Variants in HEMK2 observed in about 807,000 individuals in gnomAD.
The protein encoded by HEMK2 is HemK methyltransferase 2, ETF1 glutamine and histone H4 lysine.
chr21:28,851,285 A>G, the HEMK2 span, among the ~76,000 whole-genome samples: 1 of 152,092 alleles, frequency 6.6e-6, no homozygotes, highest in Admixed American at 6.6e-5. Context: ...CGACACCTCA[A>G]GCACCATTGG....
At chr21:28,857,527 AT>A in the HEMK2 span, among the ~76,000 whole-genome samples, 3 of 152,008 alleles carry the variant, frequency 2.0e-5, no homozygotes, top group African/African-American at 7.3e-5. Context: ...TGATAGTTTT[AT>A]TTTCCCAAAT....
At chr21:28,883,524 G>A in the HEMK2 span, among the ~76,000 whole-genome samples, 1 of 109,064 alleles carries the variant, frequency 9.2e-6, no homozygotes, top group Non-Finnish European at 2.3e-5. Context: ...AGAGCCATCA[G>A]TATATCCTAG....
chr21:28,810,910 G>C, the HEMK2 span, among the ~76,000 whole-genome samples: 1 of 152,154 alleles, frequency 6.6e-6, no homozygotes, highest in African/African-American at 2.4e-5. Flanking sequence ...CTTTTCCAGA[G>C]TTTGAATAAC....
the HEMK2 span, among the ~76,000 whole-genome samples, chr21:28,825,832 C>T: frequency 6.6e-6 from 1 of 152,202 alleles, no homozygotes; most frequent in Non-Finnish European, 1.5e-5. Context: ...CTAGAAACCC[C>T]TCAGTCCTAA....
At chr21:28,662,484 T>C in the HEMK2 span, among the ~76,000 whole-genome samples, 15 of 152,164 alleles carry the variant, frequency 9.9e-5, no homozygotes, top group East Asian at 2.9e-3. Context: ...GAAGGGTGTG[T>C]TCAAAGTTAA....
the HEMK2 span, among the ~76,000 whole-genome samples, chr21:28,605,576 AC>A: frequency 0.014 from 2,199 of 152,254 alleles, 54 homozygotes; most frequent in African/African-American, 0.05. Context: ...CCATATGGAA[AC>A]TTTTGTTCAA....
the HEMK2 span, among the ~76,000 whole-genome samples, chr21:28,724,461 A>G: frequency 6.6e-6 from 1 of 152,232 alleles, no homozygotes; most frequent in Admixed American, 6.5e-5. Flanking sequence ...GCTGTAATGA[A>G]AGCTAAGGGG....
At chr21:28,585,313 C>A in the HEMK2 span, among the ~76,000 whole-genome samples, 1 of 148,720 alleles carries the variant, frequency 6.7e-6, no homozygotes, top group South Asian at 2.2e-4. Flanking sequence ...GCCTGGGTGA[C>A]AGAGCAAGAC....
the HEMK2 span, among the ~76,000 whole-genome samples, chr21:28,630,294 G>A: frequency 6.6e-6 from 1 of 152,106 alleles, no homozygotes; most frequent in Non-Finnish European, 1.5e-5. Flanking sequence ...TGCTGGAGAG[G>A]ATGTGGAGAA....
At chr21:28,662,849 G>C in the HEMK2 span, among the ~76,000 whole-genome samples, 1 of 152,082 alleles carries the variant, frequency 6.6e-6, no homozygotes, top group African/African-American at 2.4e-5. Context: ...CCCAGTCTCA[G>C]GTATGTCTTT....
At chr21:28,796,001 G>T in the HEMK2 span, among the ~76,000 whole-genome samples, 1 of 152,102 alleles carries the variant, frequency 6.6e-6, no homozygotes. Flanking sequence ...GTCCCAGGGG[G>T]CCTTGTGCCC....
the HEMK2 span, among the ~76,000 whole-genome samples, chr21:28,883,616 C>T: frequency 6.6e-6 from 1 of 152,178 alleles, no homozygotes; most frequent in Non-Finnish European, 1.5e-5. Context: ...AAAATAGTAT[C>T]TGATCTTTGA....
the HEMK2 span, among the ~76,000 whole-genome samples, chr21:28,773,881 G>A: frequency 6.6e-6 from 1 of 152,126 alleles, no homozygotes; most frequent in African/African-American, 2.4e-5. Flanking sequence ...GCAATCTGTG[G>A]CTTGAATTCT....
At chr21:28,610,362 T>G in the HEMK2 span, among the ~76,000 whole-genome samples, 4 of 152,064 alleles carry the variant, frequency 2.6e-5, no homozygotes, top group Admixed American at 6.5e-5. Context: ...CTGAGAAAAT[T>G]TCCCACTACC....
chr21:28,683,579 C>T, the HEMK2 span, among the ~76,000 whole-genome samples: 1 of 152,138 alleles, frequency 6.6e-6, no homozygotes, highest in Non-Finnish European at 1.5e-5. Flanking sequence ...CATACACGCA[C>T]AATGTTTACA....
the HEMK2 span, among the ~76,000 whole-genome samples, chr21:28,845,397 C>G: frequency 6.6e-6 from 1 of 152,012 alleles, no homozygotes; most frequent in East Asian, 1.9e-4. Flanking sequence ...TGCATATTTT[C>G]TTAGCTATTC....
At chr21:28,861,616 G>C in the HEMK2 span, among the ~76,000 whole-genome samples, 2 of 152,134 alleles carry the variant, frequency 1.3e-5, no homozygotes, top group Non-Finnish European at 2.9e-5. Flanking sequence ...GAAATCACTG[G>C]TCTTACCATG....
chr21:28,677,986 G>A, the HEMK2 span, among the ~76,000 whole-genome samples: 119 of 152,348 alleles, frequency 7.8e-4, no homozygotes, highest in Admixed American at 1.4e-3. Context: ...AAATCAGAGC[G>A]CCTCTCCTCC....
chr21:28,732,554 C>T, the HEMK2 span, among the ~76,000 whole-genome samples: 1 of 152,162 alleles, frequency 6.6e-6, no homozygotes, highest in Admixed American at 6.5e-5. Context: ...CTCTCTGGGA[C>T]GCAGTTCACT....
Sources: allele counts gnomAD v4.1 joint callset (sites outside exome capture counted in the v4.1 genomes callset), GRCh38; gene constraint gnomAD v4.1.1; transcripts MANE v1.5; gene names NCBI Gene and HGNC (gene_info 2026-07-23, HGNC 2026-07-21).